The following ACSM1 variants were observed in gnomAD, a reference collection of about 807,000 sequenced individuals.
ACSM1 encodes the protein acyl-CoA synthetase medium chain family member 1, also known as acyl-coenzyme A synthetase ACSM1, mitochondrial.
Under a neutral mutation model 75.8 loss-of-function variants are expected in ACSM1, and 79 were observed. The observed-to-expected ratio is 1.04, with a 90% CI of 0.87 to 1.26. The LOEUF is 1.26. Ranked by LOEUF, ACSM1 falls within the 50% of genes most tolerant of loss-of-function variation. The pLI, the probability that ACSM1 is intolerant of heterozygous loss-of-function variation, is 0.00. For missense variants in ACSM1, 676 were observed against 720.1 expected (o/e 0.94, Z 0.70); for synonymous variants, 279 against 265.8 (o/e 1.05, Z -0.48).
Position 20,690,265 on chromosome 16 carries a change from A to G in ACSM1, c.192+732T>C, listed in dbSNP as rs2079629658. On this transcript the variant is annotated intron_variant, in intron 2 of 13. Coordinates refer to ENST00000520010, the MANE Select transcript of ACSM1 (RefSeq NM_001318890.3). ...AAGACAGTGCTGGGTGACTTTTTAC[A>G]CTACCATATTGGCAGCTGGGAGTTA... Among the ~76,000 whole-genome samples the G allele has an allele frequency of 3.9e-5, 6 of 152,196 alleles. No homozygotes were observed. In the South Asian group the frequency reaches 1.2e-3, roughly 32 times the overall value.
chr16:20,661,712 A>G, intron 7 of ACSM1, 82 bp downstream of exon 7: 1 of 1,051,416 alleles, frequency 9.5e-7, no homozygotes, highest in Non-Finnish European at 1.5e-6. Flanking sequence ...TCCTCAAAGA[A>G]CCAGAAGAAA....
At chr16:20,637,184 C>A in intron 9 of ACSM1, 187 bp downstream of exon 9, 2 of 766,452 alleles carry the variant, frequency 2.6e-6, no homozygotes, top group South Asian at 1.4e-5. Context: ...CCAGGGTCAG[C>A]GGTGTTCATG....
At chr16:20,681,063 C>G (rs1439859861) in intron 4 of ACSM1, 2 of 152,154 alleles carry the variant, frequency 1.3e-5, no homozygotes, top group African/African-American at 4.8e-5. Context: ...GAATGGCCTC[C>G]TGAAAGAATA....
intron 2 of ACSM1, 56 bp downstream of exon 2, chr16:20,690,941 A>T (rs879591229): frequency 6.5e-7 from 1 of 1,547,446 alleles, no homozygotes; most frequent in African/African-American, 1.4e-5. Flanking sequence ...TAGGAGCAAG[A>T]TAAGGAAAGT....
At chr16:20,685,984 A>G (rs562286969) in intron 2 of ACSM1, among the ~76,000 whole-genome samples, 3 of 152,108 alleles carry the variant, frequency 2.0e-5, no homozygotes, top group African/African-American at 7.2e-5. Context: ...CCATTCCACC[A>G]CATGCCTGCC....
At chr16:20,674,357 G>A (rs2020138458) in intron 4 of ACSM1, among the ~76,000 whole-genome samples, 1 of 152,178 alleles carries the variant, frequency 6.6e-6, no homozygotes, top group Admixed American at 6.5e-5. Flanking sequence ...TCCTTGAAAA[G>A]TAAGAAATGA....
chr16:20,694,243 G>A (rs1184734967), intron 1 of ACSM1, among the ~76,000 whole-genome samples: 2 of 152,212 alleles, frequency 1.3e-5, no homozygotes, highest in African/African-American at 4.8e-5. Flanking sequence ...AGTGGAAACC[G>A]GACACAGCAG....
At chr16:20,668,079 T>A (rs994043769) in intron 6 of ACSM1, among the ~76,000 whole-genome samples, 9 of 152,106 alleles carry the variant, frequency 5.9e-5, no homozygotes, top group Non-Finnish European at 1.3e-4. Flanking sequence ...ACTAGCTGGG[T>A]CATGAGAATA....
chr16:20,659,944 C>T (rs1211610961), intron 7 of ACSM1, among the ~76,000 whole-genome samples: 1 of 152,134 alleles, frequency 6.6e-6, no homozygotes, highest in Non-Finnish European at 1.5e-5. Context: ...TTGCATTGTC[C>T]TGCCTTTCTG....
chr16:20,651,593 T>C (rs1033619802), intron 7 of ACSM1, among the ~76,000 whole-genome samples: 2 of 152,120 alleles, frequency 1.3e-5, no homozygotes, highest in African/African-American at 4.8e-5. Context: ...TGTGCCACTC[T>C]AGCCTGCCTG....
At chr16:20,659,304 C>A (rs1178813858) in intron 7 of ACSM1, among the ~76,000 whole-genome samples, 1 of 152,170 alleles carries the variant, frequency 6.6e-6, no homozygotes, top group Non-Finnish European at 1.5e-5. Context: ...AATCAGACAA[C>A]TCTAGGAATG....
chr16:20,668,162 A>G (rs1156535212), intron 6 of ACSM1, among the ~76,000 whole-genome samples: 6 of 152,306 alleles, frequency 3.9e-5, no homozygotes, highest in Admixed American at 3.3e-4. Flanking sequence ...CTGAATCAAA[A>G]ATTTAAAAGA....
intron 4 of ACSM1, among the ~76,000 whole-genome samples, chr16:20,675,517 C>A (rs369104825): frequency 1.3e-5 from 2 of 152,126 alleles, no homozygotes; most frequent in African/African-American, 4.8e-5. Context: ...AGTGAAAGTG[C>A]ACCTCAAGGG....
intron 1 of ACSM1, among the ~76,000 whole-genome samples, chr16:20,696,601 C>G (rs2079691362): frequency 6.6e-6 from 1 of 152,114 alleles, no homozygotes; most frequent in African/African-American, 2.4e-5. Context: ...GAGTTCCTAC[C>G]CTGTTAGAGC....
intron 7 of ACSM1, among the ~76,000 whole-genome samples, chr16:20,661,023 G>T (rs1036327288): frequency 6.6e-6 from 1 of 152,164 alleles, no homozygotes; most frequent in Admixed American, 6.6e-5. Flanking sequence ...ATGGTATTGT[G>T]TTGTATCAGT....
chr16:20,653,924 C>CA (rs201627149), intron 7 of ACSM1, among the ~76,000 whole-genome samples: 28,662 of 151,986 alleles, frequency 0.19, 3,930 homozygotes, highest in African/African-American at 0.39. Context: ...CATATGGAAC[C>CA]AAAAAAGAGC....
chr16:20,632,999 T>C (rs2017439031), intron 10 of ACSM1, among the ~76,000 whole-genome samples: 1 of 152,094 alleles, frequency 6.6e-6, no homozygotes, highest in Non-Finnish European at 1.5e-5. Context: ...AAACACTAAA[T>C]AAACTAGGAA....
chr16:20,652,337 T>C (rs1481863923), intron 7 of ACSM1, among the ~76,000 whole-genome samples: 2 of 152,036 alleles, frequency 1.3e-5, no homozygotes, highest in Non-Finnish European at 2.9e-5. Context: ...AATATCTTTG[T>C]CTAATTAAAA....
At chr16:20,646,553 AAGGGGTCCAAGAAC>A (rs1162248581) in intron 7 of ACSM1, among the ~76,000 whole-genome samples, 2 of 152,238 alleles carry the variant, frequency 1.3e-5, no homozygotes, top group African/African-American at 4.8e-5. Context: ...GTCACTATCC[AAGGGGTCCAAGAAC>A]AGACAGTCAC....
Sources: gnomAD v4.1 joint callset for allele counts (sites outside exome capture counted in the v4.1 genomes callset) on GRCh38, gnomAD v4.1.1 for gene constraint, MANE v1.5 for transcripts, NCBI Gene and HGNC (gene_info 2026-07-23, HGNC 2026-07-21) for gene names.